The following MCC variants were observed in gnomAD, a reference collection of about 807,000 sequenced individuals.
The protein encoded by MCC is colorectal mutant cancer protein.
In MCC, 90 loss-of-function variants were observed where a neutral mutation model predicts 116.2. The observed-to-expected ratio is 0.77, with a 90% CI of 0.65 to 0.92. The LOEUF (loss-of-function observed/expected upper bound fraction) is 0.92, where lower values mean the gene tolerates loss of function less well. MCC is among the 40% of genes least tolerant of loss of function. MCC has a pLI of 0.00. For missense variants in MCC, 1,516 were observed against 1,312.2 expected, an observed-to-expected ratio of 1.16 and a Z score of -2.40; for synonymous variants, 578 against 510.5, an observed-to-expected ratio of 1.13 and a Z score of -1.78.
At chr5:113,348,157 C>G (rs1350166783) in intron 2 of MCC, among the ~76,000 whole-genome samples, 1 of 151,872 alleles carries the variant, frequency 6.6e-6, no homozygotes, top group Non-Finnish European at 1.5e-5. Flanking sequence ...GACAGATCTT[C>G]CAGATAGAAA....
intron 1 of MCC, among the ~76,000 whole-genome samples, chr5:113,453,221 C>T (rs1771449764): frequency 6.6e-6 from 1 of 152,078 alleles, no homozygotes; most frequent in South Asian, 2.1e-4. Context: ...TCTTTTAGGT[C>T]TGAAACTCCT....
At chr5:113,242,114 T>C (rs570307945) in intron 3 of MCC, among the ~76,000 whole-genome samples, 1 of 152,366 alleles carries the variant, frequency 6.6e-6, no homozygotes, top group South Asian at 2.1e-4. Flanking sequence ...AGGCCATCTT[T>C]GGCAGTAGAC....
intron 3 of MCC, among the ~76,000 whole-genome samples, chr5:113,178,540 G>C (rs1761454229): frequency 6.6e-6 from 1 of 152,112 alleles, no homozygotes; most frequent in Admixed American, 6.5e-5. Flanking sequence ...ATGACAAGTG[G>C]CCACTCAACC....
At chr5:113,138,814 C>G (rs1759003750) in intron 5 of MCC, among the ~76,000 whole-genome samples, 1 of 152,184 alleles carries the variant, frequency 6.6e-6, no homozygotes, top group Non-Finnish European at 1.5e-5. Context: ...CTTATAAGTA[C>G]CTGCCATTCT....
intron 5 of MCC, among the ~76,000 whole-genome samples, chr5:113,140,314 G>A (rs1489448955): frequency 6.6e-6 from 1 of 152,164 alleles, no homozygotes; most frequent in African/African-American, 2.4e-5. Context: ...AGATGAGGAG[G>A]GAGAATTGTT....
intron 3 of MCC, among the ~76,000 whole-genome samples, chr5:113,200,598 A>C (rs980193255): frequency 6.6e-6 from 1 of 152,260 alleles, no homozygotes; most frequent in Admixed American, 6.5e-5. Context: ...TCAGGTCTGC[A>C]CAGCAGACTG....
intron 3 of MCC, among the ~76,000 whole-genome samples, chr5:113,156,956 A>G (rs1760205774): frequency 6.6e-6 from 1 of 152,200 alleles, no homozygotes; most frequent in Non-Finnish European, 1.5e-5. Context: ...AGCCCCCCTG[A>G]GCCCAGGTAA....
At chr5:113,313,793 T>C (rs1767198678) in intron 3 of MCC, among the ~76,000 whole-genome samples, 2 of 151,280 alleles carry the variant, frequency 1.3e-5, no homozygotes, top group African/African-American at 4.9e-5. Context: ...TTTCTCTCTC[T>C]CTCTGTCTGT....
At chr5:113,187,961 A>G (rs1476691470) in intron 3 of MCC, among the ~76,000 whole-genome samples, 1 of 152,178 alleles carries the variant, frequency 6.6e-6, no homozygotes, top group Non-Finnish European at 1.5e-5. Flanking sequence ...GAGGGGCATC[A>G]ACAAATCTGG....
intron 1 of MCC, among the ~76,000 whole-genome samples, chr5:113,426,339 T>C (rs1770481398): frequency 6.6e-6 from 1 of 152,160 alleles, no homozygotes; most frequent in Admixed American, 6.5e-5. Flanking sequence ...CTGAGAGCTA[T>C]AGGTCGTTGT....
chr5:113,152,998 G>A (rs894409112), intron 3 of MCC, among the ~76,000 whole-genome samples: 12 of 152,108 alleles, frequency 7.9e-5, no homozygotes, highest in Non-Finnish European at 1.3e-4. Flanking sequence ...TAGTCTTGTT[G>A]AGATTGTTTT....
At chr5:113,397,399 C>A (rs1415459649) in intron 1 of MCC, among the ~76,000 whole-genome samples, 1 of 151,884 alleles carries the variant, frequency 6.6e-6, no homozygotes, top group Non-Finnish European at 1.5e-5. Context: ...GTCTAATTCT[C>A]ATATCTGAAA....
At chr5:113,096,462 G>A (rs1309110605) in intron 8 of MCC, among the ~76,000 whole-genome samples, 1 of 152,240 alleles carries the variant, frequency 6.6e-6, no homozygotes, top group Non-Finnish European at 1.5e-5. Context: ...ATGGATGAGT[G>A]AAACTGCCTG....
In MCC at chr5:113,276,822, G is replaced by C. The variant is rs74834903; in HGVS notation, c.627+63697C>G. Among the ~76,000 whole-genome samples the C allele has an allele frequency of 3.3e-3, 179 of 53,658 alleles. 5 individuals are homozygous for C. In the East Asian group the frequency reaches 0.045, roughly 14 times the overall value. The allele number at this position is 53,658 out of a possible 152,430, so 35.2% of individuals were successfully genotyped here. ...TTCTTCTTATTTTTTTTTTTTTTTT[G>C]TAGAGATGGTCTCACGGTGTTACCG... On this transcript the variant is annotated intron_variant, in intron 3 of 18. Coordinates refer to ENST00000408903, the MANE Select transcript of MCC (RefSeq NM_001085377.2).
At chr5:113,032,408 CAA>C (rs376957827) in intron 17 of MCC, among the ~76,000 whole-genome samples, 866 of 63,294 alleles carry the variant, frequency 0.014, 7 homozygotes, top group African/African-American at 0.038. Flanking sequence ...AACTCTGTAT[CAA>C]AAAAAAAAAA....
intron 1 of MCC, chr5:113,436,783 A>G (rs967803538): frequency 1.3e-5 from 2 of 152,112 alleles, no homozygotes; most frequent in African/African-American, 4.8e-5. Context: ...GGTCTCTACA[A>G]CCTCTTACCC....
chr5:113,331,614 GTTTGTTTTGTTTTGTTTTGTTTTGT>G (rs138484557), intron 3 of MCC, among the ~76,000 whole-genome samples: 2 of 149,464 alleles, frequency 1.3e-5, no homozygotes, highest in Admixed American at 1.3e-4. Flanking sequence ...CTGCTTTTTT[GTTTGTTTTGTTTTGTTTTGTTTTGT>G]TTTGTTTTGT....
At chr5:113,375,390 A>C (rs1187439475) in intron 2 of MCC, among the ~76,000 whole-genome samples, 4 of 152,190 alleles carry the variant, frequency 2.6e-5, no homozygotes, top group Non-Finnish European at 5.9e-5. Flanking sequence ...GATTCACAAT[A>C]ATTTCACAAA....
chr5:113,114,900 A>C (rs975835949), intron 6 of MCC, among the ~76,000 whole-genome samples: 1 of 152,154 alleles, frequency 6.6e-6, no homozygotes, highest in African/African-American at 2.4e-5. Flanking sequence ...TGGATGCCAA[A>C]CAAGAGTTTG....
Sources: gnomAD v4.1 joint callset for allele counts (sites outside exome capture counted in the v4.1 genomes callset) on GRCh38, gnomAD v4.1.1 for gene constraint, MANE v1.5 for transcripts, NCBI Gene and HGNC (gene_info 2026-07-23, HGNC 2026-07-21) for gene names.